Variants in NBPF12 observed in about 807,000 individuals in gnomAD.
NBPF12 encodes NBPF member 12.
In NBPF12, 115 loss-of-function variants were observed where a neutral mutation model predicts 146.4. That is an observed-to-expected ratio of 0.79 (90% CI 0.68 to 0.92). NBPF12 has a LOEUF of 0.92. NBPF12 is among the 40% of genes least tolerant of loss of function. The pLI is 0.00. For missense variants in NBPF12, 1,205 were observed against 1,326.8 expected (o/e 0.91, Z 1.43); for synonymous variants, 385 against 508.9 (o/e 0.76, Z 3.28).
intron 9 of NBPF12, among the ~76,000 whole-genome samples, chr1:146,967,762 A>G (rs1360370186): frequency 2.7e-5 from 4 of 150,056 alleles, no homozygotes; most frequent in Non-Finnish European, 5.9e-5. Flanking sequence ...ACCTCTGTAA[A>G]TTGCTACAGT....
Position 146,958,054 on chromosome 1 carries a change from T to C in NBPF12, c.-183-1805T>C, listed in dbSNP as rs1215131589. Among the ~76,000 whole-genome samples, 7 of 120,828 alleles carry C rather than the reference T, an allele frequency of 5.8e-5. 2 individuals are homozygous for C. Among genetic ancestry groups the C allele is most frequent in the Non-Finnish European group, 1.2e-4 (7 of 56,936 alleles). 79.3% of individuals were successfully genotyped at this position (120,828 alleles called of 152,430 possible). ...CACGTGTATATATATTATATACATA[T>C]ACACACGTGTGCCATGTTGGTTTGC... On this transcript the variant is annotated intron_variant, in intron 2 of 33. Coordinates refer to ENST00000617844, the Ensembl canonical transcript of NBPF12.
At position 146,963,325 on chromosome 1, in the gene NBPF12, G is replaced by T. The variant is rs1655978118; in HGVS notation, c.493+16G>T. On this transcript the variant is annotated intron_variant, in intron 6 of 33. Coordinates refer to ENST00000617844, the Ensembl canonical transcript of NBPF12. ...CTCAGCCCAGGTAAGGTGGCCATAGGCCCTGATGACCCAAAACCCCAGGCT... is the reference window on the plus strand; with the variant it reads ...CTCAGCCCAGGTAAGGTGGCCATAGTCCCTGATGACCCAAAACCCCAGGCT... 1.2e-6 allele frequency: 2 copies of T among 1,611,482 alleles called. No homozygotes were observed. The highest frequency in any genetic ancestry group is 1.3e-5 in the African/African-American group (1 of 74,486).
At chr1:146,964,327 C>T (rs1476888721) in intron 6 of NBPF12, 30 bp from the exon 10 acceptor site, 2 of 1,519,520 alleles carry the variant, frequency 1.3e-6, no homozygotes, top group East Asian at 2.2e-5. Flanking sequence ...TGAAGTGGGA[C>T]ATATCTGAAT....
chr1:146,970,822 C>A, intron 12 of NBPF12, 103 bp downstream of exon 15: 1 of 1,100,812 alleles, frequency 9.1e-7, no homozygotes, highest in East Asian at 2.3e-5. Flanking sequence ...GCCCGCATTC[C>A]CTTGGCCACA....
At chr1:146,984,896 A>G (rs1408255304) in exon 22 of NBPF12, 46 of 1,598,542 alleles carry the variant, frequency 2.9e-5, no homozygotes, top group Middle Eastern at 2.1e-4. Flanking sequence ...CCTTCAGTTT[A>G]TCTTGGACTG....
intron 19 of NBPF12, among the ~76,000 whole-genome samples, chr1:146,981,284 A>AT (rs1477519971): frequency 1.3e-5 from 1 of 79,118 alleles, no homozygotes; most frequent in African/African-American, 4.9e-5. Flanking sequence ...TATTAAAAAA[A>AT]AAAAAAAAAA....
chr1:146,984,859 G>A, exon 22 of NBPF12: 5 of 1,556,738 alleles, frequency 3.2e-6, no homozygotes, highest in East Asian at 2.2e-5. Flanking sequence ...AGTCTTGCAG[G>A]ACTCACTGGA....
Position 146,994,128 on chromosome 1 carries a change from G to GTCTCTC in NBPF12, c.4131-196_4131-191dup, listed in dbSNP as rs1194794987. ...TGTCTCTGTCTCTGTCTCTGTCTCT[G>GTCTCTC]TCTCTCTCTCTCTGTCTTTCTCTTT... is the stretch of plus-strand genomic sequence containing the variant. On this transcript the variant is annotated intron_variant, in intron 33 of 33. Coordinates refer to ENST00000617844, the Ensembl canonical transcript of NBPF12. Among the ~76,000 whole-genome samples, 29 of 104,112 alleles carry GTCTCTC rather than the reference G, an allele frequency of 2.8e-4. No homozygotes were observed. In the East Asian group the frequency reaches 6.9e-3, roughly 25 times the overall value. The allele number at this position is 104,112 out of a possible 152,430, so 68.3% of individuals were successfully genotyped here.
At chr1:146,970,614 G>A (rs1656539512) in intron 11 of NBPF12, 33 bp from the exon 15 acceptor site, 2 of 1,568,020 alleles carry the variant, frequency 1.3e-6, no homozygotes, top group Non-Finnish European at 1.8e-6. Context: ...ATGTGAAGTG[G>A]AAAATATCTG....
exon 34 of NBPF12, chr1:146,994,788 G>C: frequency 2.4e-6 from 2 of 848,576 alleles, no homozygotes; most frequent in Admixed American, 3.0e-5. Flanking sequence ...TCACATAACT[G>C]TGCAGCACAT....
chr1:146,954,962 A>C, intron 2 of NBPF12, among the ~76,000 whole-genome samples: 1 of 96,536 alleles, frequency 1.0e-5, no homozygotes, highest in Non-Finnish European at 2.0e-5. Flanking sequence ...ATCATCTCCA[A>C]ATAGGGAATA....
chr1:146,979,853 C>G (rs1395843821), intron 19 of NBPF12, among the ~76,000 whole-genome samples: 1 of 50,614 alleles, frequency 2.0e-5, no homozygotes. Context: ...GAGCTGAGTT[C>G]AAGTCCTGGA....
intron 19 of NBPF12, among the ~76,000 whole-genome samples, chr1:146,980,512 G>A (rs1657305578): frequency 6.6e-6 from 1 of 151,546 alleles, no homozygotes; most frequent in African/African-American, 2.4e-5. Flanking sequence ...CAGGCCTGGT[G>A]GTGACAAAAT....
intron 4 of NBPF12, among the ~76,000 whole-genome samples, chr1:146,960,833 C>G (rs1432016964): frequency 6.6e-6 from 1 of 152,036 alleles, no homozygotes; most frequent in African/African-American, 2.4e-5. Context: ...CCTGTGCTAT[C>G]TATAAGTGAC....
At chr1:146,949,120 C>T (rs1378626490), upstream of NBPF12, among the ~76,000 whole-genome samples, 1 of 152,192 alleles carries the variant, frequency 6.6e-6, no homozygotes, top group Non-Finnish European at 1.5e-5. Flanking sequence ...ACTAAGGGAA[C>T]TCAGAGGCCA....
intron 8 of NBPF12, among the ~76,000 whole-genome samples, chr1:146,965,834 G>A (rs1479345638): frequency 2.2e-5 from 3 of 136,714 alleles, no homozygotes; most frequent in South Asian, 2.5e-4. Context: ...TCTGACCAGG[G>A]GCGCTGGCTC....
In NBPF12 at chr1:146,951,146, A is replaced by G. The variant is rs1184604823; in HGVS notation, c.-325-202A>G. On this transcript the variant is annotated intron_variant, in intron 1 of 33. Coordinates refer to ENST00000617844, the Ensembl canonical transcript of NBPF12. ...GGGACATGAGCATGGGATACCTGTC[A>G]TCACCACCACCATGAAGTTGGGATT... Among the ~76,000 whole-genome samples the G allele has an allele frequency of 4.6e-5, 7 of 152,182 alleles. No homozygotes were observed. The East Asian group carries it at 1.2e-3, about 25-fold the overall frequency.
chr1:146,984,272 T>A, intron 21 of NBPF12, 87 bp downstream of exon 24: 1 of 829,658 alleles, frequency 1.2e-6, no homozygotes, highest in South Asian at 1.3e-5. Flanking sequence ...CTGAAAATAA[T>A]GATTTTGTCT....
chr1:146,970,799 T>C (rs1656555262), intron 12 of NBPF12, 80 bp downstream of exon 15: 1 of 1,189,730 alleles, frequency 8.4e-7, no homozygotes, highest in African/African-American at 1.5e-5. Flanking sequence ...CTGGCATCTA[T>C]GATGGGCCAA....
Sources: allele counts gnomAD v4.1 joint callset (sites outside exome capture counted in the v4.1 genomes callset), GRCh38; gene constraint gnomAD v4.1.1; transcripts MANE v1.5; gene names NCBI Gene and HGNC (gene_info 2026-07-23, HGNC 2026-07-21).